The following EFHC2 variants were observed in gnomAD, a reference collection of about 807,000 sequenced individuals.
EFHC2 encodes the protein EF-hand domain containing 2, also known as EF-hand domain-containing family member C2.
A neutral mutation model predicts 52.7 loss-of-function variants in EFHC2; 18 were observed. The observed-to-expected ratio is 0.34, with a 90% CI of 0.24 to 0.51. EFHC2 has a LOEUF of 0.51. Among genes scored for constraint, EFHC2 ranks in the 20% least tolerant of loss-of-function variants. The probability of loss-of-function intolerance (pLI) is 0.97; values close to 1 mark genes in which losing one functional copy is unlikely to be tolerated. For synonymous variants in EFHC2, 203 were observed against 204.1 expected, an observed-to-expected ratio of 0.99 and a Z score of 0.04; for missense variants, 513 against 562.5, an observed-to-expected ratio of 0.91 and a Z score of 0.89.
chrX:44,169,528 G>A (rs2070533285), intron 13 of EFHC2, among the ~76,000 whole-genome samples: 1 of 110,650 alleles, frequency 9.0e-6, no homozygotes, highest in African/African-American at 3.3e-5. Flanking sequence ...CTCCTGCCTC[G>A]GCCTCCCAAA....
chrX:44,201,460 G>T, intron 11 of EFHC2, among the ~76,000 whole-genome samples: 1 of 110,595 alleles, frequency 9.0e-6, no homozygotes, highest in Non-Finnish European at 1.9e-5. Flanking sequence ...AAATTTGGTT[G>T]TTTAAAAAAA....
intron 1 of EFHC2, among the ~76,000 whole-genome samples, chrX:44,315,975 C>T (rs1050007795): frequency 9.0e-6 from 1 of 111,590 alleles, no homozygotes; most frequent in African/African-American, 3.3e-5. Context: ...AGCCTAATAC[C>T]GGCCAGGCCC....
intron 7 of EFHC2, among the ~76,000 whole-genome samples, chrX:44,247,946 A>G (rs2037412636): frequency 1.8e-5 from 2 of 111,737 alleles, no homozygotes; most frequent in Admixed American, 1.9e-4. Flanking sequence ...TCAGATTTCC[A>G]TTTCGATTGC....
chrX:44,152,440 G>A (rs1224199531), intron 14 of EFHC2, among the ~76,000 whole-genome samples: 8 of 111,383 alleles, frequency 7.2e-5, no homozygotes, highest in African/African-American at 2.3e-4. Flanking sequence ...GCTGGCTTTC[G>A]TCCTACATAG....
At chrX:44,211,866 CAAAAA>C (rs1164155147) in intron 11 of EFHC2, among the ~76,000 whole-genome samples, 3 of 50,441 alleles carry the variant, frequency 5.9e-5, no homozygotes, top group African/African-American at 1.4e-4. Flanking sequence ...GACTCCCTCT[CAAAAA>C]AAAAAAAAAA....
intron 11 of EFHC2, among the ~76,000 whole-genome samples, chrX:44,200,668 A>G (rs1220744252): frequency 8.9e-6 from 1 of 111,918 alleles, no homozygotes; most frequent in Non-Finnish European, 1.9e-5. Context: ...AGAGATAACA[A>G]GAACAGGTTG....
chrX:44,340,304 C>T lies in EFHC2; in HGVS notation c.42+3243G>A, dbSNP rs186937703. On this transcript the variant is annotated intron_variant, in intron 1 of 14. Coordinates refer to ENST00000420999, the MANE Select transcript of EFHC2 (RefSeq NM_025184.4). ...AGAAATAGGCAGACAACCCAGTAAA[C>T]ATTAGACAAGAGATAAGTAAGTACT... Among the ~76,000 whole-genome samples the T allele has an allele frequency of 1.4e-3, 153 of 111,380 alleles. 1 individual carries two copies. The highest frequency in any genetic ancestry group is 3.6e-3 in the African/African-American group (109 of 30,653).
intron 4 of EFHC2, among the ~76,000 whole-genome samples, chrX:44,260,561 G>C (rs1014213189): frequency 8.9e-6 from 1 of 111,916 alleles, no homozygotes; most frequent in Non-Finnish European, 1.9e-5. Context: ...GGGTATATCA[G>C]AATCATGGTC....
intron 11 of EFHC2, among the ~76,000 whole-genome samples, chrX:44,203,397 C>T (rs1366306826): frequency 2.7e-5 from 3 of 111,159 alleles, no homozygotes; most frequent in Non-Finnish European, 5.7e-5. Flanking sequence ...AGGCTCTGCT[C>T]TGACCCCCAC....
chrX:44,214,387 A>G (rs1266541860), intron 11 of EFHC2, among the ~76,000 whole-genome samples: 3 of 112,470 alleles, frequency 2.7e-5, no homozygotes. Flanking sequence ...AAAAAATCTT[A>G]CCCATAGAGG....
At position 44,148,761 on chromosome X, in the gene EFHC2, G is replaced by C. The variant is rs1396291938; in HGVS notation, c.*34C>G. 9.2e-7 allele frequency: 1 copy of C among 1,083,267 alleles called. No individual in the cohort carries two copies. The highest frequency in any genetic ancestry group is 1.2e-6 in the Non-Finnish European group (1 of 808,921). 89.3% of individuals were successfully genotyped at this position (1,083,267 alleles called of 1,213,427 possible). A position where few individuals can be genotyped will look rare whatever the true frequency, so the allele number is the denominator to read the frequency against. ...AAGTAAATGTGGCAAAATGAGAGAAGTAAATCATAGAGAATTGACCAAAAC... is the reference window on the plus strand; with the variant it reads ...AAGTAAATGTGGCAAAATGAGAGAACTAAATCATAGAGAATTGACCAAAAC... On this transcript the variant is annotated 3_prime_UTR_variant, in exon 15 of 15. Coordinates refer to ENST00000420999, the MANE Select transcript of EFHC2 (RefSeq NM_025184.4).
rs777173801 is a variant in EFHC2 at position 44,330,148 on chromosome X, TG to T, written c.42+13398del. Among the ~76,000 whole-genome samples, 4 of 105,902 alleles carry T rather than the reference TG, an allele frequency of 3.8e-5. No individual in the cohort carries two copies. The South Asian group carries it at 1.7e-3, about 46-fold the overall frequency. The allele number at this position is 105,902 out of a possible 115,157, so 92.0% of individuals were successfully genotyped here. On this transcript the variant is annotated intron_variant, in intron 1 of 14. Transcript: ENST00000420999. ...GGTGCACACCTGTTGTCCCAGCTAT[TG>T]GGGGGCTGAGGCAGGAGGACTGCTT... is the stretch of plus-strand genomic sequence containing the variant.
At chrX:44,227,561 T>G (rs1226964022) in intron 11 of EFHC2, among the ~76,000 whole-genome samples, 3 of 111,378 alleles carry the variant, frequency 2.7e-5, no homozygotes, top group East Asian at 5.6e-4. Context: ...CTATATGTAT[T>G]GAGCCCAGCA....
intron 11 of EFHC2, among the ~76,000 whole-genome samples, chrX:44,196,925 T>C (rs745981826): frequency 8.9e-6 from 1 of 112,280 alleles, no homozygotes; most frequent in Non-Finnish European, 1.9e-5. Context: ...TCATAACTCA[T>C]GATGAAATTG....
intron 2 of EFHC2, among the ~76,000 whole-genome samples, chrX:44,281,865 T>C (rs1386781953): frequency 9.0e-6 from 1 of 111,663 alleles, no homozygotes; most frequent in Non-Finnish European, 1.9e-5. Flanking sequence ...AGAAGTTCAC[T>C]CTAAGAAACT....
chrX:44,316,705 C>A (rs1214719587), intron 1 of EFHC2, among the ~76,000 whole-genome samples: 1 of 110,965 alleles, frequency 9.0e-6, no homozygotes, highest in Non-Finnish European at 1.9e-5. Flanking sequence ...ACAGAGAAAC[C>A]CAGAGAATGA....
At chrX:44,287,201 T>G (rs1179442607) in intron 2 of EFHC2, among the ~76,000 whole-genome samples, 1 of 110,762 alleles carries the variant, frequency 9.0e-6, no homozygotes, top group Non-Finnish European at 1.9e-5. Context: ...AAAAAAAATT[T>G]TTTAAATAAA....
chrX:44,257,703 A>G (rs995132100), intron 4 of EFHC2, among the ~76,000 whole-genome samples: 7 of 112,110 alleles, frequency 6.2e-5, no homozygotes, highest in African/African-American at 2.3e-4. Context: ...AAATGGCCAT[A>G]CTGCCCAAGG....
intron 4 of EFHC2, among the ~76,000 whole-genome samples, chrX:44,258,714 G>T (rs7057510): frequency 2.7e-5 from 3 of 109,658 alleles, no homozygotes; most frequent in Non-Finnish European, 5.7e-5. Flanking sequence ...AAAATTAGCC[G>T]GGTGTGGTGG....
Sources: allele counts gnomAD v4.1 joint callset (sites outside exome capture counted in the v4.1 genomes callset), GRCh38; gene constraint gnomAD v4.1.1; transcripts MANE v1.5; gene names NCBI Gene and HGNC (gene_info 2026-07-23, HGNC 2026-07-21).